Variants in DLG2 observed in about 807,000 individuals in gnomAD.
The protein encoded by DLG2 is discs large MAGUK scaffold protein 2.
DLG2 carries 45 observed loss-of-function variants against 132.5 expected under a neutral mutation model. That is an observed-to-expected ratio of 0.34 (90% CI 0.27 to 0.44). The LOEUF (loss-of-function observed/expected upper bound fraction) is 0.44, where lower values mean the gene tolerates loss of function less well. DLG2 is among the 20% of genes least tolerant of loss of function. DLG2 has a pLI of 1.00. For synonymous variants in DLG2, 424 were observed against 419.6 expected (o/e 1.01, Z -0.13); for missense variants, 1,045 against 1,196.9 (o/e 0.87, Z 1.87).
At chr11:84,820,706 A>G (rs1015657129) in intron 6 of DLG2, among the ~76,000 whole-genome samples, 17 of 150,000 alleles carry the variant, frequency 1.1e-4, no homozygotes, top group African/African-American at 3.9e-4. Flanking sequence ...ATCAGTATTT[A>G]TCCTTCAGAT....
At chr11:84,229,689 C>A (rs1439658727) in intron 8 of DLG2, among the ~76,000 whole-genome samples, 1 of 152,190 alleles carries the variant, frequency 6.6e-6, no homozygotes, top group Non-Finnish European at 1.5e-5. Flanking sequence ...GGGTTTAGAG[C>A]ACAGTCACTG....
At chr11:84,910,254 T>C (rs185705346) in intron 6 of DLG2, among the ~76,000 whole-genome samples, 1 of 152,340 alleles carries the variant, frequency 6.6e-6, no homozygotes, top group East Asian at 1.9e-4. Flanking sequence ...AAATTGTTTA[T>C]AAGAATGAAA....
chr11:85,427,764 T>C (rs1172147339), intron 3 of DLG2, among the ~76,000 whole-genome samples: 2 of 152,194 alleles, frequency 1.3e-5, no homozygotes, highest in African/African-American at 2.4e-5. Context: ...AGGATCAAAT[T>C]CACACATAAC....
At position 83,482,383 on chromosome 11, in the gene DLG2, ACT is replaced by A. The variant is rs1461147181; in HGVS notation, c.2293+1744_2293+1745del. Among the ~76,000 whole-genome samples, 5 of 152,140 alleles carry A rather than the reference ACT, an allele frequency of 3.3e-5. No homozygotes were observed. The South Asian group carries it at 6.2e-4, about 19-fold the overall frequency. Reference sequence around the variant, plus strand: ...GTGATACAGTTGCAAAAGACACAAAACTCTGTTCTCATTTCATTGGTGCCTAC... The same window carrying A: ...GTGATACAGTTGCAAAAGACACAAAACTGTTCTCATTTCATTGGTGCCTAC... On this transcript the variant is annotated intron_variant, in intron 22 of 27. Coordinates refer to ENST00000376104, the MANE Select transcript of DLG2 (RefSeq NM_001142699.3).
intron 7 of DLG2, among the ~76,000 whole-genome samples, chr11:84,316,175 GAAGA>G (rs2098352532): frequency 6.6e-6 from 1 of 152,146 alleles, no homozygotes. Context: ...ATGCGTTATA[GAAGA>G]AAGAGAGCTA....
chr11:85,537,617 T>C (rs1348548081), intron 3 of DLG2, among the ~76,000 whole-genome samples: 1 of 150,426 alleles, frequency 6.6e-6, no homozygotes, highest in Non-Finnish European at 1.5e-5. Flanking sequence ...GGTCTGCAGC[T>C]TCACTCATGA....
intron 10 of DLG2, among the ~76,000 whole-genome samples, chr11:84,070,301 T>C (rs1410494659): frequency 2.0e-5 from 3 of 152,336 alleles, no homozygotes; most frequent in Non-Finnish European, 4.4e-5. Flanking sequence ...TGTTGCTTTC[T>C]GTCTCTCAAA....
intron 3 of DLG2, among the ~76,000 whole-genome samples, chr11:85,398,456 C>CA (rs1565432969): frequency 1.3e-5 from 2 of 151,668 alleles, no homozygotes; most frequent in South Asian, 2.1e-4. Flanking sequence ...GACAGAGACA[C>CA]AAAAAAATCT....
chr11:85,414,903 C>T (rs2089683695), intron 3 of DLG2, among the ~76,000 whole-genome samples: 1 of 152,032 alleles, frequency 6.6e-6, no homozygotes, highest in Non-Finnish European at 1.5e-5. Context: ...GAGACATGTG[C>T]AGAACGTGCA....
At chr11:84,929,636 T>C (rs2047866009) in intron 6 of DLG2, among the ~76,000 whole-genome samples, 1 of 152,112 alleles carries the variant, frequency 6.6e-6, no homozygotes, top group Admixed American at 6.6e-5. Flanking sequence ...ACAAAGAACA[T>C]TCTTCCCTTA....
chr11:85,114,897 A>C (rs1254188947), intron 5 of DLG2, among the ~76,000 whole-genome samples: 2 of 151,890 alleles, frequency 1.3e-5, no homozygotes, highest in Non-Finnish European at 2.9e-5. Flanking sequence ...AAATGCTTAT[A>C]TATACATTGA....
chr11:85,116,486 T>C (rs936448392), intron 5 of DLG2, among the ~76,000 whole-genome samples: 6 of 152,054 alleles, frequency 3.9e-5, no homozygotes, highest in African/African-American at 7.2e-5. Flanking sequence ...TGTCTATAGA[T>C]ACATATATAC....
intron 6 of DLG2, among the ~76,000 whole-genome samples, chr11:84,978,441 G>A (rs2055233440): frequency 6.6e-6 from 1 of 152,100 alleles, no homozygotes; most frequent in South Asian, 2.1e-4. Context: ...AAACAGCATG[G>A]TACTGGTACC....
intron 6 of DLG2, among the ~76,000 whole-genome samples, chr11:84,999,050 T>C (rs1050773430): frequency 6.6e-6 from 1 of 151,944 alleles, no homozygotes; most frequent in Admixed American, 6.6e-5. Context: ...AGTCTACCAT[T>C]TAGATCAGAA....
At chr11:85,072,299 C>T (rs1367173847) in intron 6 of DLG2, among the ~76,000 whole-genome samples, 2 of 151,802 alleles carry the variant, frequency 1.3e-5, no homozygotes, top group East Asian at 1.9e-4. Context: ...CTTCCTGTGT[C>T]CATGGTTCTC....
intron 7 of DLG2, among the ~76,000 whole-genome samples, chr11:84,403,456 G>T (rs1468565763): frequency 6.6e-6 from 1 of 151,876 alleles, no homozygotes; most frequent in East Asian, 1.9e-4. Context: ...CATTCCCACT[G>T]CCACCACCCT....
chr11:84,201,463 A>G (rs1366357402), intron 8 of DLG2, among the ~76,000 whole-genome samples: 1 of 152,076 alleles, frequency 6.6e-6, no homozygotes, highest in Non-Finnish European at 1.5e-5. Context: ...GGCCTCATAG[A>G]ATGAGTTAGG....
chr11:85,247,740 A>C (rs2076207020), intron 4 of DLG2, among the ~76,000 whole-genome samples: 1 of 152,132 alleles, frequency 6.6e-6, no homozygotes, highest in African/African-American at 2.4e-5. Context: ...TGACTTCAAC[A>C]AAGAGACTGA....
intron 19 of DLG2, among the ~76,000 whole-genome samples, chr11:83,617,328 T>C (rs1591024264): frequency 1.3e-5 from 2 of 152,302 alleles, no homozygotes; most frequent in Admixed American, 1.3e-4. Context: ...TTAATAACAT[T>C]TGTGGCTTTT....
Sources: gnomAD v4.1 joint callset for allele counts (sites outside exome capture counted in the v4.1 genomes callset) on GRCh38, gnomAD v4.1.1 for gene constraint, MANE v1.5 for transcripts, NCBI Gene and HGNC (gene_info 2026-07-23, HGNC 2026-07-21) for gene names.